The following SLCO3A1 variants were observed in gnomAD, a reference collection of about 807,000 sequenced individuals.
SLCO3A1 encodes solute carrier organic anion transporter family member 3A1, also known as PGE1 transporter.
SLCO3A1 carries 27 observed loss-of-function variants against 63.1 expected under a neutral mutation model. The observed-to-expected ratio is 0.43, with a 90% CI of 0.32 to 0.59. SLCO3A1 has a LOEUF of 0.59. Among genes scored for constraint, SLCO3A1 ranks in the 20% least tolerant of loss-of-function variants. The pLI, the probability that SLCO3A1 is intolerant of heterozygous loss-of-function variation, is 0.09. For missense variants in SLCO3A1, 773 were observed against 945.8 expected (o/e 0.82, Z 2.40); for synonymous variants, 473 against 409.9 (o/e 1.15, Z -1.86).
intron 4 of SLCO3A1, among the ~76,000 whole-genome samples, chr15:92,114,865 C>G (rs1486702820): frequency 6.6e-6 from 1 of 152,184 alleles, no homozygotes; most frequent in Non-Finnish European, 1.5e-5. Context: ...CCTCACCTCC[C>G]AGCTCTGCAT....
In SLCO3A1 at chr15:92,132,830, C is replaced by T. The variant is rs1385457917; in HGVS notation, c.1512+4341C>T. ...CTCCATTATGGGCCCAGGCAGGCAG[C>T]TCATGGTTCAGTGTGACGGGTCTCA... is the stretch of plus-strand genomic sequence containing the variant. On this transcript the variant is annotated intron_variant, in intron 7 of 9. Coordinates refer to ENST00000318445, the MANE Select transcript of SLCO3A1 (RefSeq NM_013272.4). Among the ~76,000 whole-genome samples the T allele has an allele frequency of 1.4e-5, 2 of 145,154 alleles. 1 individual carries two copies. Among genetic ancestry groups the T allele is most frequent in the Non-Finnish European group, 3.1e-5 (2 of 64,918 alleles).
Position 91,894,043 on chromosome 15 carries a change from C to T in SLCO3A1, c.181-21950C>T, listed in dbSNP as rs188900908. On this transcript the variant is annotated intron_variant, in intron 1 of 9. Coordinates refer to ENST00000318445, the MANE Select transcript of SLCO3A1 (RefSeq NM_013272.4). The surrounding 1 kb of genome is among the most constrained non-coding windows in gnomAD (Gnocchi z 4.8). ...AAAGGAAGCCTTTCTCAGGAGGGGA[C>T]GTTTGAGCTAAGACCTGCCTGGGGA... Among the ~76,000 whole-genome samples, 89 of 152,256 alleles carry T rather than the reference C, an allele frequency of 5.8e-4. No individual in the cohort carries two copies. The highest frequency in any genetic ancestry group is 1.4e-3 in the Admixed American group (22 of 15,306).
chr15:91,963,597 G>T (rs1184889083), intron 2 of SLCO3A1, among the ~76,000 whole-genome samples: 1 of 152,158 alleles, frequency 6.6e-6, no homozygotes, highest in Non-Finnish European at 1.5e-5. Flanking sequence ...GTGGGTTCTT[G>T]GTTTTGCTGA....
chr15:92,094,828 C>A, intron 2 of SLCO3A1, 53 bp from the exon 3 acceptor site: 1 of 1,153,462 alleles, frequency 8.7e-7, no homozygotes, highest in Non-Finnish European at 1.3e-6. Context: ...GGTGATTTTG[C>A]TCATCGAATA....
intron 9 of SLCO3A1, among the ~76,000 whole-genome samples, chr15:92,156,137 T>G (rs1480908219): frequency 6.6e-6 from 1 of 152,172 alleles, no homozygotes; most frequent in African/African-American, 2.4e-5. Flanking sequence ...TCGTCTTGCA[T>G]ATGCCAAAGT....
chr15:92,135,357 C>T (rs143420309), intron 7 of SLCO3A1, among the ~76,000 whole-genome samples: 4 of 152,182 alleles, frequency 2.6e-5, no homozygotes, highest in Admixed American at 6.5e-5. Flanking sequence ...TGCTCAGGCT[C>T]ACGCGCCACA....
At chr15:91,915,663 G>A (rs968726712) in intron 1 of SLCO3A1, among the ~76,000 whole-genome samples, 1 of 152,078 alleles carries the variant, frequency 6.6e-6, no homozygotes, top group South Asian at 2.1e-4. Flanking sequence ...GTTTTCATGG[G>A]CTGTCTGTGG....
chr15:92,053,266 G>T (rs1486454170), intron 2 of SLCO3A1, among the ~76,000 whole-genome samples: 1 of 152,130 alleles, frequency 6.6e-6, no homozygotes, highest in Non-Finnish European at 1.5e-5. Flanking sequence ...TCCAGATGTG[G>T]CTTCTTGGAG....
chr15:91,989,668 T>G (rs1286106019), intron 2 of SLCO3A1, among the ~76,000 whole-genome samples: 4 of 152,258 alleles, frequency 2.6e-5, no homozygotes, highest in Admixed American at 2.6e-4. Flanking sequence ...AGTCCACATT[T>G]GGCTCTACTT....
chr15:92,007,554 C>T (rs2046326044), intron 2 of SLCO3A1, among the ~76,000 whole-genome samples: 1 of 152,080 alleles, frequency 6.6e-6, no homozygotes, highest in African/African-American at 2.4e-5. Context: ...GGCAGAAGGG[C>T]TTGGGTTGTA....
intron 2 of SLCO3A1, among the ~76,000 whole-genome samples, chr15:91,940,876 C>G (rs12438885): frequency 0.28 from 42,296 of 152,004 alleles, 6,183 homozygotes; most frequent in Non-Finnish European, 0.33. Context: ...CCTAACCACC[C>G]CAGCATTTCT....
chr15:91,902,210 G>T, intron 1 of SLCO3A1, among the ~76,000 whole-genome samples: 1 of 151,298 alleles, frequency 6.6e-6, no homozygotes, highest in South Asian at 2.1e-4. Flanking sequence ...CTTTTTTTAA[G>T]AGACAAGAGT....
intron 2 of SLCO3A1, among the ~76,000 whole-genome samples, chr15:91,917,638 G>C (rs913136971): frequency 1.4e-4 from 21 of 152,314 alleles, no homozygotes; most frequent in Middle Eastern, 3.4e-3. Flanking sequence ...CTAGTCACCA[G>C]CTACCTATGG....
Position 92,164,361 on chromosome 15 carries a change from A to G in SLCO3A1, c.*1226A>G, listed in dbSNP as rs1009315889. ...AGAGTGTATATGCAGCCTGCCTTTAAAAGAATCACATTTGAGACAACAGGG... is the reference window on the plus strand; with the variant it reads ...AGAGTGTATATGCAGCCTGCCTTTAGAAGAATCACATTTGAGACAACAGGG... On this transcript the variant is annotated 3_prime_UTR_variant, in exon 10 of 10. Transcript: ENST00000318445. 8 of 985,344 alleles carry G rather than the reference A, an allele frequency of 8.1e-6. No homozygotes were observed. The highest frequency in any genetic ancestry group is 9.6e-6 in the Non-Finnish European group (8 of 829,934). 61.0% of individuals were successfully genotyped at this position (985,344 alleles called of 1,614,324 possible).
chr15:92,077,469 C>T (rs2047292430), intron 2 of SLCO3A1, among the ~76,000 whole-genome samples: 2 of 152,226 alleles, frequency 1.3e-5, no homozygotes, highest in Non-Finnish European at 2.9e-5. Context: ...TGGTGACCCT[C>T]CTACCTTGAA....
chr15:92,016,270 A>ATATAGATAGATAGAT (rs1567068164), intron 2 of SLCO3A1, among the ~76,000 whole-genome samples: 6 of 129,076 alleles, frequency 4.6e-5, no homozygotes, highest in African/African-American at 8.4e-5. Flanking sequence ...AGATAGATAG[A>ATATAGATAGATAGAT]TAGATAGATA....
At chr15:91,979,139 A>G (rs1208972146) in intron 2 of SLCO3A1, among the ~76,000 whole-genome samples, 1 of 152,206 alleles carries the variant, frequency 6.6e-6, no homozygotes, top group Non-Finnish European at 1.5e-5. Flanking sequence ...GAGTTTACAT[A>G]TACGGGTTTA....
rs1313762690 is a variant in SLCO3A1 at position 91,968,449 on chromosome 15, C to A, written c.646+51991C>A. On this transcript the variant is annotated intron_variant, in intron 2 of 9. Transcript: ENST00000318445. The surrounding 1 kb of genome is among the most constrained non-coding windows in gnomAD (Gnocchi z 4.2). ...AATCCTCCAGCCTGTGCTTATTATG[C>A]AGCATGGAGGTGTCCTGGCTAGAAC... Among the ~76,000 whole-genome samples the A allele has an allele frequency of 1.3e-5, 2 of 152,020 alleles. No individual in the cohort carries two copies. The highest frequency in any genetic ancestry group is 2.9e-5 in the Non-Finnish European group (2 of 68,020).
intron 9 of SLCO3A1, chr15:92,161,766 CA>C (rs1448680587): frequency 6.7e-6 from 1 of 149,186 alleles, no homozygotes; most frequent in East Asian, 2.0e-4. Flanking sequence ...TAGAACACCA[CA>C]CACAGTATGC....
Sources: allele counts gnomAD v4.1 joint callset (sites outside exome capture counted in the v4.1 genomes callset), GRCh38; gene constraint gnomAD v4.1.1; non-coding constraint Gnocchi (gnomAD v3.1); transcripts MANE v1.5; gene names NCBI Gene and HGNC (gene_info 2026-07-23, HGNC 2026-07-21).